ANK1: variants seen among roughly 807,000 people sequenced by gnomAD.
The protein encoded by ANK1 is ankyrin-1.
ANK1 carries 51 observed loss-of-function variants against 210.4 expected under a neutral mutation model. That is an observed-to-expected ratio of 0.24 (90% confidence interval 0.19 to 0.31). The LOEUF is 0.31. Among genes scored for constraint, ANK1 ranks in the 10% least tolerant of loss-of-function variants. The pLI is 1.00. For missense variants in ANK1, 2,051 were observed against 2,504.4 expected (o/e 0.82, Z 3.86); for synonymous variants, 967 against 1,025.9 (o/e 0.94, Z 1.10).
intron 3 of ANK1, among the ~76,000 whole-genome samples, chr8:41,728,847 C>G (rs566164073): frequency 6.6e-6 from 1 of 152,366 alleles, no homozygotes; most frequent in East Asian, 1.9e-4. Context: ...CGTTGGCGTC[C>G]CTCAGGACAC....
At chr8:41,698,260 C>T (rs1210553903) in intron 23 of ANK1, 139 bp from the exon 24 acceptor site, 4 of 806,300 alleles carry the variant, frequency 5.0e-6, no homozygotes, top group Non-Finnish European at 8.4e-6. Flanking sequence ...GGAAGGACCG[C>T]CTCCTCCTCC....
intron 1 of ANK1, among the ~76,000 whole-genome samples, chr8:41,866,606 C>A (rs1814511919): frequency 6.6e-6 from 1 of 152,256 alleles, no homozygotes. Flanking sequence ...AAGTGAAACT[C>A]TGTACCCTTT....
chr8:41,743,590 G>T (rs1172628885), intron 2 of ANK1, among the ~76,000 whole-genome samples: 3 of 152,188 alleles, frequency 2.0e-5, no homozygotes, highest in Admixed American at 1.3e-4. Context: ...GCAGCAGCGT[G>T]TCTGGGGTCT....
intron 39 of ANK1, chr8:41,665,338 C>T: frequency 2.3e-6 from 3 of 1,299,076 alleles, no homozygotes; most frequent in Non-Finnish European, 3.0e-6. Flanking sequence ...AGCTGTCCAA[C>T]CGGGCTAGAA....
At chr8:41,669,483 T>C (rs923552472) in intron 38 of ANK1, among the ~76,000 whole-genome samples, 1 of 152,044 alleles carries the variant, frequency 6.6e-6, no homozygotes, top group African/African-American at 2.4e-5. Flanking sequence ...TTTGTAGAGA[T>C]GGGTTCTGGC....
At chr8:41,884,977 G>A (rs1195563806) in intron 1 of ANK1, among the ~76,000 whole-genome samples, 7 of 152,186 alleles carry the variant, frequency 4.6e-5, no homozygotes, top group Middle Eastern at 3.4e-3. Flanking sequence ...CACAGTGGTC[G>A]GGGAAGGGTC....
intron 1 of ANK1, among the ~76,000 whole-genome samples, chr8:41,853,228 G>A (rs148824637): frequency 6.6e-6 from 1 of 152,264 alleles, no homozygotes; most frequent in East Asian, 1.9e-4. Context: ...CTCTTTCCTG[G>A]CTTTCTTCCT....
At chr8:41,665,134 T>G in intron 39 of ANK1, 61 of 1,537,642 alleles carry the variant, frequency 4.0e-5, no homozygotes, top group Non-Finnish European at 5.2e-5. Flanking sequence ...ACCCCTTGCA[T>G]TCCCCCTCCC....
chr8:41,710,632 G>A (rs73675110), intron 16 of ANK1, among the ~76,000 whole-genome samples: 7,177 of 152,332 alleles, frequency 0.047, 201 homozygotes, highest in African/African-American at 0.055. Flanking sequence ...GCTGGAGGAC[G>A]TCCTGGACAT....
chr8:41,723,146 T>G lies in ANK1; in HGVS notation c.888A>C (p.Ala296=). ...RISEILLDHG[A]PIQAKTKNGL... ...ACACCTTGGTTTTGGCTTGGATTGG[T>G]GCCCCGTGGTCCAGCAGGATCTCTG... The change falls in exon 9 of 43, where the codon GCA becomes GCC. Residue 296 remains alanine (A), a synonymous_variant. Coordinates refer to ENST00000289734, the MANE Select transcript of ANK1 (RefSeq NM_000037.4). 1 of 1,614,202 alleles carries G rather than the reference T, an allele frequency of 6.2e-7. No individual in the cohort carries two copies. The highest frequency in any genetic ancestry group is 8.5e-7 in the Non-Finnish European group (1 of 1,180,036).
chr8:41,754,527 G>A (rs1838600631), intron 2 of ANK1, among the ~76,000 whole-genome samples: 2 of 152,172 alleles, frequency 1.3e-5, no homozygotes, highest in African/African-American at 4.8e-5. Context: ...TTGAAAGTGT[G>A]TTACTTATGT....
At chr8:41,842,507 AT>A (rs1217224778) in intron 1 of ANK1, among the ~76,000 whole-genome samples, 2 of 151,896 alleles carry the variant, frequency 1.3e-5, no homozygotes. Context: ...AAAAAAAAAA[AT>A]TTTTGGAATG....
chr8:41,701,830 C>A (rs1253248482), intron 21 of ANK1, among the ~76,000 whole-genome samples: 1 of 152,224 alleles, frequency 6.6e-6, no homozygotes, highest in Non-Finnish European at 1.5e-5. Context: ...ACCCCATCCA[C>A]TCCACTGCTG....
At chr8:41,713,879 C>T (rs1301666108) in intron 16 of ANK1, among the ~76,000 whole-genome samples, 1 of 152,202 alleles carries the variant, frequency 6.6e-6, no homozygotes, top group Non-Finnish European at 1.5e-5. Flanking sequence ...TGACGTGCAA[C>T]TGCTTGGGGA....
chr8:41,735,790 C>T (rs764206356), intron 2 of ANK1, among the ~76,000 whole-genome samples: 9 of 152,166 alleles, frequency 5.9e-5, no homozygotes, highest in African/African-American at 1.2e-4. Flanking sequence ...AGGGGTCCAA[C>T]GCTTCTTTTA....
chr8:41,818,800 G>A (rs1463756428), intron 1 of ANK1, among the ~76,000 whole-genome samples: 1 of 152,158 alleles, frequency 6.6e-6, no homozygotes, highest in Admixed American at 6.5e-5. Context: ...CAATTAAAGT[G>A]TGTCCTTGGT....
intron 1 of ANK1, among the ~76,000 whole-genome samples, chr8:41,785,135 A>T (rs1204898584): frequency 6.6e-6 from 1 of 152,196 alleles, no homozygotes; most frequent in Admixed American, 6.5e-5. Flanking sequence ...AGGCAGGAGG[A>T]TCACTTGAGT....
intron 1 of ANK1, among the ~76,000 whole-genome samples, chr8:41,879,901 T>C (rs1230774534): frequency 1.3e-5 from 2 of 152,236 alleles, no homozygotes; most frequent in Non-Finnish European, 1.5e-5. Flanking sequence ...GATTATTCCA[T>C]GTGTCTGCAT....
intron 38 of ANK1, among the ~76,000 whole-genome samples, chr8:41,669,370 C>T (rs1811523732): frequency 6.6e-6 from 1 of 152,080 alleles, no homozygotes; most frequent in African/African-American, 2.4e-5. Flanking sequence ...AATCACAGCT[C>T]ACTGCAGCTC....
Sources: gnomAD v4.1 joint callset for allele counts (sites outside exome capture counted in the v4.1 genomes callset) on GRCh38, gnomAD v4.1.1 for gene constraint, MANE v1.5 for transcripts, NCBI Gene and HGNC (gene_info 2026-07-23, HGNC 2026-07-21) for gene names.